BCR: variants seen among roughly 807,000 people sequenced by gnomAD.
BCR encodes the protein breakpoint cluster region protein.
Under a neutral mutation model 138.6 loss-of-function variants are expected in BCR, and 58 were observed. The ratio of observed to expected loss-of-function variants is 0.42; its 90% CI spans 0.34 to 0.52. The LOEUF is 0.52. Ranked by LOEUF, BCR falls within the 20% of genes least tolerant of loss-of-function variation. The pLI is 0.06. For missense variants in BCR, 1,599 were observed against 1,727.2 expected (o/e 0.93, Z 1.32); for synonymous variants, 786 against 730.1 (o/e 1.08, Z -1.23).
chr22:23,282,680 GCACAAGGCCT>G (rs1483758963), intron 8 of BCR, among the ~76,000 whole-genome samples: 1 of 152,216 alleles, frequency 6.6e-6, no homozygotes, highest in Non-Finnish European at 1.5e-5. Flanking sequence ...CTCCCTGAGA[GCACAAGGCCT>G]CATCACTTCT....
At chr22:23,185,666 A>G (rs1350224182) in intron 1 of BCR, among the ~76,000 whole-genome samples, 5 of 149,430 alleles carry the variant, frequency 3.3e-5, no homozygotes, top group Non-Finnish European at 5.9e-5. Context: ...ACACAGTCTC[A>G]AAAAACAAAC....
intron 1 of BCR, among the ~76,000 whole-genome samples, chr22:23,222,686 C>T (rs1173120782): frequency 6.6e-6 from 1 of 152,118 alleles, no homozygotes; most frequent in African/African-American, 2.4e-5. Flanking sequence ...CAGACGTGGG[C>T]TATGTTGTCT....
chr22:23,244,617 C>G (rs1041048237), intron 1 of BCR, among the ~76,000 whole-genome samples: 1 of 152,202 alleles, frequency 6.6e-6, no homozygotes, highest in Non-Finnish European at 1.5e-5. Flanking sequence ...TCCGCTGGCT[C>G]CCATGGGCAG....
At position 23,290,328 on chromosome 22, in the gene BCR, C is replaced by T. The variant is rs766506941; in HGVS notation, c.2708-11C>T. 6 of 1,613,360 alleles carry T rather than the reference C, an allele frequency of 3.7e-6. No individual in the cohort carries two copies. The Admixed American group carries it at 8.3e-5, about 22-fold the overall frequency. ...GACAACAGAAGCTGACCTCTTTGAT[C>T]TCTTGCGCAGATGATGAGTCTCCGG... On this transcript the variant is annotated splice_polypyrimidine_tract_variant and intron_variant, in intron 13 of 22. Transcript: ENST00000305877.
chr22:23,239,530 G>A (rs992505002), intron 1 of BCR, among the ~76,000 whole-genome samples: 2 of 152,176 alleles, frequency 1.3e-5, no homozygotes, highest in Admixed American at 6.5e-5. Flanking sequence ...TCTGGAATGT[G>A]GCAGTGATAT....
rs527236143 is a variant in BCR, at chr22:23,290,381, T to C, written c.2750T>C (p.Val917Ala). Residue 917 changes from valine (V) to alanine (A), a missense_variant, in exon 14 of 23, where the codon GTC becomes GCC. This residue lies in a region of BCR where 590 missense variants were observed against 762.4 expected (regional missense o/e 0.77). Transcript: ENST00000305877. ...CTCTATGGGTTTCTGAATGTCATCG[T>C]CCACTCAGCCACTGGATTTAAGCAG... is the stretch of plus-strand genomic sequence containing the variant. ...PGLYGFLNVIVHSATGFKQSS... is the reference protein window; with the variant it reads ...PGLYGFLNVIAHSATGFKQSS... 4 of 1,614,130 alleles carry C rather than the reference T, an allele frequency of 2.5e-6. No individual in the cohort carries two copies. The Admixed American group carries it at 5.0e-5, about 20-fold the overall frequency.
At chr22:23,304,140 T>C (rs1288270278) in intron 16 of BCR, among the ~76,000 whole-genome samples, 1 of 149,790 alleles carries the variant, frequency 6.7e-6, no homozygotes, top group Non-Finnish European at 1.5e-5. Context: ...AGGTCTTGTT[T>C]TGCTGCCCAA....
intron 8 of BCR, among the ~76,000 whole-genome samples, chr22:23,282,722 G>A (rs376835813): frequency 1.3e-4 from 20 of 152,196 alleles, no homozygotes; most frequent in African/African-American, 3.4e-4. Flanking sequence ...CAGGTGCACC[G>A]CCTGCGGGGA....
chr22:23,266,203 G>A (rs922352648), intron 4 of BCR, among the ~76,000 whole-genome samples: 16 of 152,104 alleles, frequency 1.1e-4, no homozygotes, highest in African/African-American at 2.7e-4. Context: ...TCCTGCCTCA[G>A]CTTCCCTGAG....
At chr22:23,298,706 C>T (rs1294346873) in intron 16 of BCR, among the ~76,000 whole-genome samples, 5 of 152,184 alleles carry the variant, frequency 3.3e-5, no homozygotes, top group African/African-American at 1.2e-4. Flanking sequence ...AGCGATTCTG[C>T]TGCCGCAGCC....
rs1440341549 is a variant in BCR at position 23,273,705 on chromosome 22, G to A, written c.2046G>A (p.Gln682=). ...TGCAGGACGCCCTCCGCATCTCACA[G>A]AACTTCCTGTCCAGCATCAATGAGG... ...PLLQDALRIS[Q]NFLSSINEEI... The change falls in exon 8 of 23, where the codon CAG becomes CAA. Residue 682 remains glutamine, a synonymous_variant. Transcript: ENST00000305877. The A allele has an allele frequency of 1.2e-6, 2 of 1,614,120 alleles. No homozygotes were observed. Among genetic ancestry groups the A allele is most frequent in the Non-Finnish European group, 8.5e-7 (1 of 1,180,028 alleles).
chr22:23,181,450 G>C lies in BCR; in HGVS notation c.490G>C (p.Gly164Arg), dbSNP rs2072258656. 6.2e-7 allele frequency: 1 copy of C among 1,603,414 alleles called. No individual in the cohort carries two copies. The highest frequency in any genetic ancestry group is 8.5e-7 in the Non-Finnish European group (1 of 1,173,772). The change falls in exon 1 of 23, where the codon GGC (glycine) becomes CGC (arginine). Residue 164 changes from glycine to arginine, a missense_variant. Physicochemically the swap from Gly to Arg is moderately radical, Grantham distance 125. Coordinates refer to ENST00000305877, the MANE Select transcript of BCR (RefSeq NM_004327.4). ...GTCCAACTTCGAGCGGATCCGCAAG[G>C]GCCATGGCCAGCCCGGGGCGGACGC... ...LRSNFERIRKGHGQPGADAEK... is the reference protein window; with the variant it reads ...LRSNFERIRKRHGQPGADAEK...
intron 1 of BCR, among the ~76,000 whole-genome samples, chr22:23,183,507 G>C (rs774497240): frequency 6.6e-6 from 1 of 152,172 alleles, no homozygotes; most frequent in Non-Finnish European, 1.5e-5. Context: ...GCACGGCTCC[G>C]ACCTGCCGTC....
chr22:23,296,008 C>CT (rs1358790996), intron 16 of BCR, among the ~76,000 whole-genome samples: 1 of 152,030 alleles, frequency 6.6e-6, no homozygotes, highest in African/African-American at 2.4e-5. Context: ...CCACATGCCC[C>CT]TAGAAGCACA....
intron 1 of BCR, among the ~76,000 whole-genome samples, chr22:23,243,274 G>C (rs781594535): frequency 9.9e-5 from 15 of 152,146 alleles, no homozygotes; most frequent in Non-Finnish European, 2.1e-4. Flanking sequence ...CACGTGATTA[G>C]AGGGTTGGAA....
intron 16 of BCR, chr22:23,302,801 C>T (rs2073917026): frequency 6.6e-6 from 1 of 152,202 alleles, no homozygotes; most frequent in Admixed American, 6.5e-5. Context: ...GCAGCCGCCA[C>T]CTACTTGGCG....
chr22:23,290,645 C>T lies in BCR; in HGVS notation c.2782+232C>T. On this transcript the variant is annotated intron_variant, in intron 14 of 22. Coordinates refer to ENST00000305877, the MANE Select transcript of BCR (RefSeq NM_004327.4). ...CCTAGCCTGTCTCAGATCCTGGGAG[C>T]TGGTGAGCTGCCCCCTGCAGGTGGA... is the stretch of plus-strand genomic sequence containing the variant. 5.7e-6 allele frequency: 3 copies of T among 530,716 alleles called. No individual in the cohort carries two copies. The East Asian group carries it at 9.7e-5, about 17-fold the overall frequency. 32.9% of individuals were successfully genotyped at this position (530,716 alleles called of 1,614,324 possible).
At chr22:23,289,789 A>G (rs2073763357) in intron 13 of BCR, 168 bp downstream of exon 13, 9 of 644,206 alleles carry the variant, frequency 1.4e-5, no homozygotes, top group South Asian at 9.5e-5. Flanking sequence ...GGAGTGGACA[A>G]GGTGGGTTAG....
At chr22:23,280,867 G>A (rs7292088) in intron 8 of BCR, among the ~76,000 whole-genome samples, 3,116 of 152,310 alleles carry the variant, frequency 0.02, 103 homozygotes, top group African/African-American at 0.072. Flanking sequence ...GCCCTGCCCC[G>A]CTCTGAAGCA....
Sources: allele counts gnomAD v4.1 joint callset (sites outside exome capture counted in the v4.1 genomes callset), GRCh38; gene constraint gnomAD v4.1.1; regional missense constraint gnomAD v4.1.1; transcripts MANE v1.5; gene names NCBI Gene and HGNC (gene_info 2026-07-23, HGNC 2026-07-21).